Variants in RBMS3 observed in about 807,000 individuals in gnomAD.
RBMS3 encodes the protein RNA binding motif single stranded interacting protein 3, also known as RNA-binding motif, single-stranded-interacting protein 3.
RBMS3 carries 27 observed loss-of-function variants against 66.8 expected under a neutral mutation model. The ratio of observed to expected loss-of-function variants is 0.40; its 90% CI spans 0.30 to 0.56. RBMS3 has a LOEUF of 0.56. Ranked by LOEUF, RBMS3 falls within the 20% of genes least tolerant of loss-of-function variation. The pLI is 0.40. For synonymous variants in RBMS3, 188 were observed against 183.0 expected, an observed-to-expected ratio of 1.03 and a Z score of -0.22; for missense variants, 513 against 549.5, an observed-to-expected ratio of 0.93 and a Z score of 0.66.
intron 4 of RBMS3, among the ~76,000 whole-genome samples, chr3:29,701,875 T>C (rs2052608313): frequency 6.8e-6 from 1 of 146,884 alleles, no homozygotes; most frequent in African/African-American, 2.7e-5. Context: ...CACCCCCTGC[T>C]CCACGGCGCC....
chr3:29,664,596 G>T (rs1481347561), intron 4 of RBMS3, among the ~76,000 whole-genome samples: 2 of 151,546 alleles, frequency 1.3e-5, no homozygotes, highest in African/African-American at 2.4e-5. Flanking sequence ...AAATGGAAAT[G>T]GTATGATAAG....
chr3:29,952,773 A>G (rs940164835), intron 12 of RBMS3, among the ~76,000 whole-genome samples: 3 of 151,836 alleles, frequency 2.0e-5, no homozygotes, highest in African/African-American at 7.2e-5. Flanking sequence ...ATATATCAGT[A>G]TATTATTTTT....
At chr3:29,833,057 A>G (rs2058415545) in intron 6 of RBMS3, among the ~76,000 whole-genome samples, 2 of 152,276 alleles carry the variant, frequency 1.3e-5, no homozygotes, top group African/African-American at 4.8e-5. Context: ...ATCGAGAGAC[A>G]GCATACAGTC....
intron 10 of RBMS3, among the ~76,000 whole-genome samples, chr3:29,935,201 G>A (rs1169260365): frequency 1.3e-5 from 2 of 152,074 alleles, no homozygotes; most frequent in East Asian, 3.9e-4. Context: ...TGCAAGGAAA[G>A]TAGCAGGGTA....
chr3:29,665,631 T>A (rs1269476419), intron 4 of RBMS3, among the ~76,000 whole-genome samples: 3 of 152,222 alleles, frequency 2.0e-5, no homozygotes, highest in African/African-American at 7.2e-5. Flanking sequence ...GCATTTAAGT[T>A]TGCCAACATT....
chr3:29,882,801 A>G (rs1309996587), intron 7 of RBMS3, among the ~76,000 whole-genome samples: 3 of 152,100 alleles, frequency 2.0e-5, no homozygotes, highest in Admixed American at 6.6e-5. Context: ...AAACTCAAAC[A>G]GGCAAGGTAT....
chr3:29,432,582 A>G (rs763772959), intron 1 of RBMS3, among the ~76,000 whole-genome samples: 1 of 152,128 alleles, frequency 6.6e-6, no homozygotes, highest in Non-Finnish European at 1.5e-5. Flanking sequence ...TTTCTCAAGC[A>G]CCTACTGTAT....
In RBMS3 at chr3:29,527,181, T is replaced by TTAAAAAAAAAAAAAAAAAAAAAA. The variant is rs1491567884; in HGVS notation, c.307+38682_307+38683insTAAAAAAAAAAAAAAAAAAAAAA. 8.4e-4 allele frequency among the ~76,000 whole-genome samples: 74 copies of TTAAAAAAAAAAAAAAAAAAAAAA among 87,820 alleles called. 10 individuals are homozygous for TTAAAAAAAAAAAAAAAAAAAAAA. The highest frequency in any genetic ancestry group is 2.5e-3 in the African/African-American group (52 of 21,074). The allele number at this position is 87,820 out of a possible 152,430, so 57.6% of individuals were successfully genotyped here. ...TTTCAGACGTGATTGTTAGGTAGAG[T>TTAAAAAAAAAAAAAAAAAAAAAA]AAAAAAAAAAAAAAAAAAAAAAAAA... is the stretch of plus-strand genomic sequence containing the variant. On this transcript the variant is annotated intron_variant, in intron 3 of 14. Transcript: ENST00000383767.
At chr3:29,321,186 G>A (rs1429634263) in intron 1 of RBMS3, among the ~76,000 whole-genome samples, 1 of 151,938 alleles carries the variant, frequency 6.6e-6, no homozygotes, top group Non-Finnish European at 1.5e-5. Flanking sequence ...TATTGTACTA[G>A]ACATGGGTTT....
At chr3:29,865,558 A>G (rs568595665) in intron 6 of RBMS3, among the ~76,000 whole-genome samples, 7 of 152,364 alleles carry the variant, frequency 4.6e-5, no homozygotes, top group African/African-American at 1.7e-4. Flanking sequence ...GAACAAAATA[A>G]GCAAGTTGGT....
At chr3:29,472,345 G>A (rs984111206) in intron 2 of RBMS3, among the ~76,000 whole-genome samples, 1 of 151,934 alleles carries the variant, frequency 6.6e-6, no homozygotes, top group African/African-American at 2.4e-5. Flanking sequence ...ACAGGCGCCC[G>A]CCATCACGCC....
At chr3:29,344,103 AT>A (rs1559503243) in intron 1 of RBMS3, among the ~76,000 whole-genome samples, 1 of 151,870 alleles carries the variant, frequency 6.6e-6, no homozygotes, top group Non-Finnish European at 1.5e-5. Flanking sequence ...AAGAAATTAC[AT>A]TTTTCTCCCT....
At chr3:29,704,001 G>A (rs1488066580) in intron 4 of RBMS3, among the ~76,000 whole-genome samples, 1 of 152,224 alleles carries the variant, frequency 6.6e-6, no homozygotes, top group Non-Finnish European at 1.5e-5. Context: ...TCTAGGTTGT[G>A]TGTTCCTTAT....
chr3:29,843,361 C>T (rs970503243), intron 6 of RBMS3, among the ~76,000 whole-genome samples: 3 of 152,078 alleles, frequency 2.0e-5, no homozygotes, highest in Admixed American at 6.6e-5. Flanking sequence ...CTAGAGATAG[C>T]GGATCATATA....
chr3:29,446,136 A>G (rs907352114), intron 2 of RBMS3, among the ~76,000 whole-genome samples: 8 of 152,154 alleles, frequency 5.3e-5, no homozygotes, highest in African/African-American at 1.9e-4. Flanking sequence ...ATACCATCAC[A>G]AGAGTAGCAC....
intron 3 of RBMS3, among the ~76,000 whole-genome samples, chr3:29,558,266 G>C (rs2046426894): frequency 1.3e-5 from 2 of 151,940 alleles, no homozygotes; most frequent in South Asian, 4.2e-4. Context: ...AAAGAAACTA[G>C]ATTAACTGGA....
intron 1 of RBMS3, among the ~76,000 whole-genome samples, chr3:29,336,028 A>T (rs1468103887): frequency 6.6e-6 from 1 of 152,096 alleles, no homozygotes; most frequent in East Asian, 1.9e-4. Context: ...GGTTTTTCTT[A>T]ACAAAGGAAA....
At chr3:29,401,684 AG>A (rs2039818162) in intron 1 of RBMS3, among the ~76,000 whole-genome samples, 1 of 152,132 alleles carries the variant, frequency 6.6e-6, no homozygotes, top group Non-Finnish European at 1.5e-5. Context: ...TTCTGAATGA[AG>A]ATGGGGGAAT....
At position 29,534,216 on chromosome 3, in the gene RBMS3, C is replaced by T. The variant is rs2045468452; in HGVS notation, c.307+45717C>T. ...CAGTGTGGGGACAAAGGTCACGTTGCAGCAACATCCTGAGCTAAGCCTTTA... is the reference window on the plus strand; with the variant it reads ...CAGTGTGGGGACAAAGGTCACGTTGTAGCAACATCCTGAGCTAAGCCTTTA... On this transcript the variant is annotated intron_variant, in intron 3 of 14. Coordinates refer to ENST00000383767, the MANE Select transcript of RBMS3 (RefSeq NM_001003793.3). 1.3e-5 allele frequency among the ~76,000 whole-genome samples: 2 copies of T among 152,318 alleles called. 1 individual carries two copies. Among genetic ancestry groups the T allele is most frequent in the Non-Finnish European group, 2.9e-5 (2 of 68,018 alleles).
Sources: allele counts gnomAD v4.1 joint callset (sites outside exome capture counted in the v4.1 genomes callset), GRCh38; gene constraint gnomAD v4.1.1; transcripts MANE v1.5; gene names NCBI Gene and HGNC (gene_info 2026-07-23, HGNC 2026-07-21).